Variants in ZNF579 observed in about 807,000 individuals in gnomAD.
ZNF579 encodes the protein zinc finger protein 579.
In ZNF579, 3 loss-of-function variants were observed where a neutral mutation model predicts 5.7. The observed-to-expected ratio is 0.53, with a 90% CI of 0.24 to 1.36. The LOEUF is 1.36. Among genes scored for constraint, ZNF579 ranks in the 40% most tolerant of loss-of-function variants. The pLI, the probability that ZNF579 is intolerant of heterozygous loss-of-function variation, is 0.16. For missense variants in ZNF579, 679 were observed against 877.6 expected, an observed-to-expected ratio of 0.77 and a Z score of 2.86; for synonymous variants, 454 against 409.0, an observed-to-expected ratio of 1.11 and a Z score of -1.33.
intron 1 of ZNF579, among the ~76,000 whole-genome samples, chr19:55,580,407 G>A (rs576676619): frequency 6.6e-6 from 1 of 152,098 alleles, no homozygotes; most frequent in South Asian, 2.1e-4. Context: ...GATGGGGATG[G>A]GAGCTGGGGA....
At position 55,578,201 on chromosome 19, in the gene ZNF579, G is replaced by C. The variant is rs747408838; in HGVS notation, c.1439C>G (p.Ala480Gly). 2 of 1,480,068 alleles carry C rather than the reference G, an allele frequency of 1.4e-6. No homozygotes were observed. Among genetic ancestry groups the C allele is most frequent in the Non-Finnish European group, 1.8e-6 (2 of 1,119,192 alleles). The allele number at this position is 1,480,068 out of a possible 1,614,324, so 91.7% of individuals were successfully genotyped here. The change falls in exon 2 of 2, where the codon GCC becomes GGC. Residue 480 changes from alanine (A) to glycine (G), a missense_variant. Transcript: ENST00000325421. Reference protein sequence around the residue: ...AAALQALQAQAPTSPPPPPPP... With the variant: ...AAALQALQAQGPTSPPPPPPP... Reference sequence around the variant, plus strand: ...CGGGGGCGGTGGCGGCGACGTCGGGGCCTGGGCCTGCAGTGCCTGCAGCGC... The same window carrying C: ...CGGGGGCGGTGGCGGCGACGTCGGGCCCTGGGCCTGCAGTGCCTGCAGCGC...
Position 55,578,700 on chromosome 19 carries a change from G to C in ZNF579, c.940C>G (p.Arg314Gly), listed in dbSNP as rs1231908947. ...GGGCCGTGGACGCGGCGGTGCTGGC[G>C]GAGGTAGGAGGCGAGGCGGAAGGCC... ...GLAFRLASYLRQHRRVHGPLS... is the reference protein window; with the variant it reads ...GLAFRLASYLGQHRRVHGPLS... The change falls in exon 2 of 2, where the codon CGC becomes GGC. Residue 314 changes from arginine (R) to glycine (G), a missense_variant. This residue lies in a region of ZNF579 where 38 missense variants were observed against 70.3 expected (regional missense o/e 0.54). Transcript: ENST00000325421. The C allele has an allele frequency of 6.3e-7, 1 of 1,579,456 alleles. No homozygotes were observed. Among genetic ancestry groups the C allele is most frequent in the Non-Finnish European group, 8.6e-7 (1 of 1,167,738 alleles).
Position 55,578,511 on chromosome 19 carries a change from G to C in ZNF579, c.1129C>G (p.Pro377Ala), listed in dbSNP as rs759738090. 6 of 1,412,250 alleles carry C rather than the reference G, an allele frequency of 4.2e-6. No homozygotes were observed. Among genetic ancestry groups the C allele is most frequent in the Non-Finnish European group, 4.6e-6 (5 of 1,094,712 alleles). The allele number at this position is 1,412,250 out of a possible 1,614,324, so 87.5% of individuals were successfully genotyped here. Residue 377 changes from proline to alanine, a missense_variant, in exon 2 of 2, where the codon CCC (proline) becomes GCC (alanine). By Grantham distance (27) the Pro-to-Ala change is conservative. Transcript: ENST00000325421. ...QNGGDAAPAR[P>A]PAGEPRFWCP... is the part of the protein sequence containing the mutation. ...CAGAAGCGGGGCTCCCCGGCGGGGG[G>C]CCGAGCCGGGGCGGCGTCGCCTCCG...
In ZNF579 at chr19:55,578,676, G is replaced by T; in HGVS notation, c.964C>A (p.Pro322Thr). The T allele has an allele frequency of 1.3e-6, 2 of 1,548,760 alleles. No individual in the cohort carries two copies. Among genetic ancestry groups the T allele is most frequent in the Non-Finnish European group, 1.7e-6 (2 of 1,156,326 alleles). Residue 322 changes from proline to threonine, a missense_variant, in exon 2 of 2, where the codon CCC (proline) becomes ACC (threonine). Transcript: ENST00000325421. The stretch of plus-strand genomic sequence containing the variant: ...GGCAGCGGGGCCAGCAGGCTGAGGG[G>T]GCCGTGGACGCGGCGGTGCTGGCGG... The part of the protein sequence containing the change: ...YLRQHRRVHG[P>T]LSLLAPLPAA...
chr19:55,578,428 C>T lies in ZNF579; in HGVS notation c.1212G>A (p.Val404=), dbSNP rs977460869. 2.2e-5 allele frequency: 33 copies of T among 1,479,120 alleles called. No homozygotes were observed. Among genetic ancestry groups the T allele is most frequent in the Admixed American group, 4.8e-5 (2 of 41,602 alleles). The allele number at this position is 1,479,120 out of a possible 1,614,324, so 91.6% of individuals were successfully genotyped here. A position where few individuals can be genotyped will look rare whatever the true frequency, so the allele number is the denominator to read the frequency against. The part of the protein sequence containing the change: ...RRRAHLRQHG[V]THSGARPFQC... Reference sequence around the variant, plus strand: ...GGAAGGGGCGCGCTCCCGAGTGGGTCACCCCGTGCTGCCGCAGGTGCGCCC... The same window carrying T: ...GGAAGGGGCGCGCTCCCGAGTGGGTTACCCCGTGCTGCCGCAGGTGCGCCC... Residue 404 remains valine (V), a synonymous_variant, in exon 2 of 2, where the codon GTG becomes GTA. Transcript: ENST00000325421.
At position 55,578,361 on chromosome 19, in the gene ZNF579, G is replaced by T; in HGVS notation, c.1279C>A (p.Leu427Met). 6.9e-7 allele frequency: 1 copy of T among 1,448,304 alleles called. No individual in the cohort carries two copies. Among genetic ancestry groups the T allele is most frequent in the Admixed American group, 2.7e-5 (1 of 36,846 alleles). The allele number at this position is 1,448,304 out of a possible 1,614,324, so 89.7% of individuals were successfully genotyped here. A position where few individuals can be genotyped will look rare whatever the true frequency, so the allele number is the denominator to read the frequency against. Reference protein sequence around the residue: ...CQREFKRLADLARHAQVHAGG... With the variant: ...CQREFKRLADMARHAQVHAGG... ...GCGTGCACCTGTGCGTGGCGCGCCA[G>T]GTCGGCCAGGCGCTTGAACTCCCGC... Residue 427 changes from leucine to methionine, a missense_variant, in exon 2 of 2, where the codon CTG becomes ATG. Coordinates refer to ENST00000325421, the MANE Select transcript of ZNF579 (RefSeq NM_152600.3).
rs764683062 is a variant in ZNF579 at position 55,578,536 on chromosome 19, G to T, written c.1104C>A (p.Asn368Lys). The change falls in exon 2 of 2, where the codon AAC becomes AAA. Residue 368 changes from asparagine (N) to lysine (K), a missense_variant. By Grantham distance (94) the Asn-to-Lys change is moderately conservative. Coordinates refer to ENST00000325421, the MANE Select transcript of ZNF579 (RefSeq NM_152600.3). ...GGASEGGEGQ[N>K]GGDAAPARPP... ...GCCGAGCCGGGGCGGCGTCGCCTCC[G>T]TTCTGCCCTTCTCCCCCTTCCGAGG... 6.6e-6 allele frequency: 9 copies of T among 1,363,238 alleles called. No homozygotes were observed. Among genetic ancestry groups the T allele is most frequent in the Non-Finnish European group, 2.8e-6 (3 of 1,079,766 alleles). 84.4% of individuals were successfully genotyped at this position (1,363,238 alleles called of 1,614,324 possible). A position where few individuals can be genotyped will look rare whatever the true frequency, so the allele number is the denominator to read the frequency against.
At position 55,579,609 on chromosome 19, in the gene ZNF579, C is replaced by T; in HGVS notation, c.31G>A (p.Gly11Ser). ...CCTCGGCCACGGTGAGGTGGGCTGC[C>T]CTGGGCGGGTGGAGGAGGCTGCGGA... MDPQPPPPAQGSPPHRGRGRG... is the reference protein window; with the variant it reads MDPQPPPPAQSSPPHRGRGRG... Residue 11 changes from glycine (G) to serine (S), a missense_variant, in exon 2 of 2, where the codon GGC (glycine) becomes AGC (serine). Gly to Ser is a moderately conservative substitution (Grantham distance 56, BLOSUM62 0). This residue lies in a region of ZNF579 where 134 missense variants were observed against 208.9 expected (regional missense o/e 0.64). Transcript: ENST00000325421. The T allele has an allele frequency of 6.7e-7, 1 of 1,488,632 alleles. No individual in the cohort carries two copies. The highest frequency in any genetic ancestry group is 8.9e-7 in the Non-Finnish European group (1 of 1,126,750). The allele number at this position is 1,488,632 out of a possible 1,614,324, so 92.2% of individuals were successfully genotyped here.
Position 55,578,526 on chromosome 19 carries a change from C to T in ZNF579, c.1114G>A (p.Ala372Thr). The T allele has an allele frequency of 7.3e-7, 1 of 1,378,334 alleles. No homozygotes were observed. 85.4% of individuals were successfully genotyped at this position (1,378,334 alleles called of 1,614,324 possible). A position where few individuals can be genotyped will look rare whatever the true frequency, so the allele number is the denominator to read the frequency against. ...EGGEGQNGGD[A>T]APARPPAGEP... is the part of the protein sequence containing the mutation. Reference sequence around the variant, plus strand: ...CCGGCGGGGGGCCGAGCCGGGGCGGCGTCGCCTCCGTTCTGCCCTTCTCCC... The same window carrying T: ...CCGGCGGGGGGCCGAGCCGGGGCGGTGTCGCCTCCGTTCTGCCCTTCTCCC... The change falls in exon 2 of 2, where the codon GCC (alanine) becomes ACC (threonine). Residue 372 changes from alanine to threonine, a missense_variant. Ala to Thr is a moderately conservative substitution (Grantham distance 58). Coordinates refer to ENST00000325421, the MANE Select transcript of ZNF579 (RefSeq NM_152600.3).
chr19:55,578,999 G>C lies in ZNF579; in HGVS notation c.641C>G (p.Ala214Gly). ...AELRAELALAAGRQEEKQVLL... is the reference protein window; with the variant it reads ...AELRAELALAGGRQEEKQVLL... ...GACCTGTTTCTCCTCCTGCCGCCCG[G>C]CCGCCAGCGCCAGCTCGGCCCTCAG... Residue 214 changes from alanine (A) to glycine (G), a missense_variant, in exon 2 of 2, where the codon GCC becomes GGC. Physicochemically the swap from Ala to Gly is moderately conservative, Grantham distance 60. This residue lies in a region of ZNF579 where 209 missense variants were observed against 223.4 expected (regional missense o/e 0.94). Transcript: ENST00000325421. 1 of 1,532,002 alleles carries C rather than the reference G, an allele frequency of 6.5e-7. No homozygotes were observed. The highest frequency in any genetic ancestry group is 8.7e-7 in the Non-Finnish European group (1 of 1,144,846). The allele number at this position is 1,532,002 out of a possible 1,614,324, so 94.9% of individuals were successfully genotyped here.
rs1406604871 is a variant in ZNF579, at chr19:55,577,053, CA to C, written c.*897del. The C allele has an allele frequency of 6.6e-6, 1 of 152,060 alleles. No homozygotes were observed. Among genetic ancestry groups the C allele is most frequent in the African/African-American group, 2.4e-5 (1 of 41,372 alleles). 9.4% of individuals were successfully genotyped at this position (152,060 alleles called of 1,614,324 possible). A position where few individuals can be genotyped will look rare whatever the true frequency, so the allele number is the denominator to read the frequency against. ...GCTTGGGTCTGGGAGTTTGAGACTG[CA>C]GTGAGCTATGACTGCACCACGGCAC... On this transcript the variant is annotated 3_prime_UTR_variant, in exon 2 of 2. Coordinates refer to ENST00000325421, the MANE Select transcript of ZNF579 (RefSeq NM_152600.3).
At chr19:55,579,715 A>T in intron 1 of ZNF579, 74 bp from the exon 2 acceptor site, 5 of 1,328,006 alleles carry the variant, frequency 3.8e-6, no homozygotes, top group Non-Finnish European at 4.8e-6. Flanking sequence ...GCAGAAAGAG[A>T]AGCAGAGACA....
At position 55,578,119 on chromosome 19, in the gene ZNF579, A is replaced by C. The variant is rs762573838; in HGVS notation, c.1521T>G (p.Ile507Met). The change falls in exon 2 of 2, where the codon ATT becomes ATG. Residue 507 changes from isoleucine (I) to methionine (M), a missense_variant. Physicochemically the swap from Ile to Met is conservative, Grantham distance 10. This residue lies in a region of ZNF579 where 116 missense variants were observed against 121.9 expected (regional missense o/e 0.95). Transcript: ENST00000325421. Reference protein sequence around the residue: ...EEGLPLPLANIKEEPPSPGTP... With the variant: ...EEGLPLPLANMKEEPPSPGTP... ...TCCCCGGAGAGGGCGGCTCTTCCTT[A>C]ATGTTTGCGAGGGGCAGCGGGAGCC... The C allele has an allele frequency of 3.9e-6, 6 of 1,553,628 alleles. No individual in the cohort carries two copies. The South Asian group carries it at 5.9e-5, about 15-fold the overall frequency.
chr19:55,579,060 A>C lies in ZNF579; in HGVS notation c.580T>G (p.Ser194Ala), dbSNP rs1599970094. 3 of 1,527,852 alleles carry C rather than the reference A, an allele frequency of 2.0e-6. No individual in the cohort carries two copies. The highest frequency in any genetic ancestry group is 2.8e-5 in the African/African-American group (2 of 71,424). The allele number at this position is 1,527,852 out of a possible 1,614,324, so 94.6% of individuals were successfully genotyped here. The change falls in exon 2 of 2, where the codon TCG (serine) becomes GCG (alanine). Residue 194 changes from serine (S) to alanine (A), a missense_variant. Ser to Ala is a moderately conservative substitution (Grantham distance 99). Around this residue, in one of 6 missense-constraint regions of ZNF579, gnomAD observed 209 missense variants for 223.4 expected, o/e 0.94. Transcript: ENST00000325421. ...CCGGCCTCGGCCTCCTCCGACTCCG[A>C]CTCCCGGGGCTCCGCGGCGCTGGTG... Reference protein sequence around the residue: ...APTSAAEPRESESEEAEAGAA... With the variant: ...APTSAAEPREAESEEAEAGAA...
In ZNF579 at chr19:55,577,743, G is replaced by A; in HGVS notation, c.*208C>T. The A allele has an allele frequency of 2.1e-6, 2 of 934,938 alleles. No individual in the cohort carries two copies. Among genetic ancestry groups the A allele is most frequent in the Non-Finnish European group, 3.1e-6 (2 of 646,930 alleles). 57.9% of individuals were successfully genotyped at this position (934,938 alleles called of 1,614,324 possible). On this transcript the variant is annotated 3_prime_UTR_variant, in exon 2 of 2. Transcript: ENST00000325421. ...CAAGTCGTCCTGCCTTAAGACACAT[G>A]TTGGGGTGAGCGGTTCCTAACCAGC...
rs1288501636 is a variant in ZNF579 at position 55,576,974 on chromosome 19, T to A, written c.*977A>T. On this transcript the variant is annotated 3_prime_UTR_variant, in exon 2 of 2. Transcript: ENST00000325421. ...CTCTGCAAGAAATGAAACAATCAGC[T>A]GGGTGTGGTGGCATGCACCTGTAGT... 6.6e-6 allele frequency: 1 copy of A among 152,098 alleles called. No homozygotes were observed. Among genetic ancestry groups the A allele is most frequent in the East Asian group, 1.9e-4 (1 of 5,192 alleles). The allele number at this position is 152,098 out of a possible 1,614,324, so 9.4% of individuals were successfully genotyped here. A position where few individuals can be genotyped will look rare whatever the true frequency, so the allele number is the denominator to read the frequency against.
rs1247857129 is a variant in ZNF579, at chr19:55,578,900, G to A, written c.740C>T (p.Ala247Val). The A allele has an allele frequency of 1.3e-6, 2 of 1,590,832 alleles. No individual in the cohort carries two copies. Among genetic ancestry groups the A allele is most frequent in the Non-Finnish European group, 1.7e-6 (2 of 1,169,614 alleles). Residue 247 changes from alanine (A) to valine (V), a missense_variant, in exon 2 of 2, where the codon GCG becomes GTG. Ala to Val is a moderately conservative substitution (Grantham distance 64). Transcript: ENST00000325421. ...EAFATKGELK[A>V]HPCLRPEGEQ... Reference sequence around the variant, plus strand: ...GCCCTCGGGGCGCAGACACGGGTGCGCCTTGAGCTCGCCCTTGGTGGCGAA... The same window carrying A: ...GCCCTCGGGGCGCAGACACGGGTGCACCTTGAGCTCGCCCTTGGTGGCGAA...
Position 55,579,568 on chromosome 19 carries a change from T to A in ZNF579, c.72A>T (p.Arg24=). 5.4e-6 allele frequency: 8 copies of A among 1,490,724 alleles called. No homozygotes were observed. The highest frequency in any genetic ancestry group is 7.1e-6 in the Non-Finnish European group (8 of 1,126,310). The allele number at this position is 1,490,724 out of a possible 1,614,324, so 92.3% of individuals were successfully genotyped here. ...PHRGRGRGRG[R]GRGRGRGRGR... ...CACGGCCACGGCCCCGACCACGGCCTCGGCCACGGCCCCGGCCTCGGCCAC... is the reference window on the plus strand; with the variant it reads ...CACGGCCACGGCCCCGACCACGGCCACGGCCACGGCCCCGGCCTCGGCCAC... Residue 24 remains arginine, a synonymous_variant, in exon 2 of 2, where the codon CGA becomes CGT. Transcript: ENST00000325421.
Position 55,578,335 on chromosome 19 carries a change from C to T in ZNF579, c.1305G>A (p.Ala435=). ...GGCACGGGTGCGGGGCTGGGCCCCC[C>T]GCGTGCACCTGTGCGTGGCGCGCCA... is the stretch of plus-strand genomic sequence containing the variant. ...ADLARHAQVH[A]GGPAPHPCPR... Residue 435 remains alanine, a synonymous_variant, in exon 2 of 2, where the codon GCG becomes GCA. Coordinates refer to ENST00000325421, the MANE Select transcript of ZNF579 (RefSeq NM_152600.3). The T allele has an allele frequency of 7.3e-7, 1 of 1,379,170 alleles. No individual in the cohort carries two copies. The highest frequency in any genetic ancestry group is 9.3e-7 in the Non-Finnish European group (1 of 1,074,248). 85.4% of individuals were successfully genotyped at this position (1,379,170 alleles called of 1,614,324 possible).
Sources: allele counts gnomAD v4.1 joint callset (sites outside exome capture counted in the v4.1 genomes callset), GRCh38; gene constraint gnomAD v4.1.1; regional missense constraint gnomAD v4.1.1; transcripts MANE v1.5; gene names NCBI Gene and HGNC (gene_info 2026-07-23, HGNC 2026-07-21).